Variants in ROBO2 observed in about 807,000 individuals in gnomAD.
ROBO2 encodes the protein roundabout guidance receptor 2.
Under a neutral mutation model 160.8 loss-of-function variants are expected in ROBO2, and 53 were observed. That is an observed-to-expected ratio of 0.33 (90% confidence interval 0.26 to 0.41). The LOEUF (loss-of-function observed/expected upper bound fraction) is 0.41, where lower values mean the gene tolerates loss of function less well. ROBO2 is among the 10% of genes least tolerant of loss of function. ROBO2 has a pLI of 1.00. For missense variants in ROBO2, 1,577 were observed against 1,722.4 expected, an observed-to-expected ratio of 0.92 and a Z score of 1.49; for synonymous variants, 664 against 611.7, an observed-to-expected ratio of 1.09 and a Z score of -1.26.
At chr3:76,731,628 G>T (rs1476341856) in intron 2 of ROBO2, among the ~76,000 whole-genome samples, 1 of 152,070 alleles carries the variant, frequency 6.6e-6, no homozygotes, top group African/African-American at 2.4e-5. Flanking sequence ...ACTGTATTTG[G>T]ATCCTGCTTT....
intron 2 of ROBO2, among the ~76,000 whole-genome samples, chr3:76,842,012 T>G (rs1173925862): frequency 1.3e-5 from 2 of 152,170 alleles, no homozygotes; most frequent in East Asian, 3.9e-4. Context: ...TTTGTGCAAT[T>G]AACAGCATCA....
chr3:76,173,551 C>T (rs560695174), intron 2 of ROBO2, among the ~76,000 whole-genome samples: 114 of 152,022 alleles, frequency 7.5e-4, no homozygotes, highest in African/African-American at 2.3e-3. Flanking sequence ...TGCGATATTC[C>T]GCTTCCTGTG....
At chr3:76,933,008 G>A (rs2324704) in intron 2 of ROBO2, among the ~76,000 whole-genome samples, 62,443 of 151,696 alleles carry the variant, frequency 0.41, 12,994 homozygotes, top group South Asian at 0.49. Flanking sequence ...GTTAGGATGA[G>A]GATATTCTTT....
At chr3:77,052,926 G>A (rs1319459244) in intron 1 of ROBO2, among the ~76,000 whole-genome samples, 2 of 152,168 alleles carry the variant, frequency 1.3e-5, no homozygotes, top group South Asian at 2.1e-4. Flanking sequence ...TTTCCCATAA[G>A]CACTGGGATA....
intron 5 of ROBO2, among the ~76,000 whole-genome samples, chr3:77,499,758 C>G (rs991552824): frequency 6.6e-6 from 1 of 151,206 alleles, no homozygotes; most frequent in African/African-American, 2.4e-5. Flanking sequence ...AAGTGATTCT[C>G]CTGCCCCAGC....
chr3:76,404,146 C>T (rs17791350), intron 2 of ROBO2, among the ~76,000 whole-genome samples: 7,453 of 151,688 alleles, frequency 0.049, 225 homozygotes, highest in Non-Finnish European at 0.067. Context: ...GTAGCACCTT[C>T]CATCAAGACC....
chr3:75,975,248 A>T (rs1016212690), intron 2 of ROBO2, among the ~76,000 whole-genome samples: 1 of 151,496 alleles, frequency 6.6e-6, no homozygotes, highest in Non-Finnish European at 1.5e-5. Context: ...ATACAAATTT[A>T]AACATATTTG....
At chr3:75,991,278 G>A (rs2065560443) in intron 2 of ROBO2, among the ~76,000 whole-genome samples, 1 of 152,158 alleles carries the variant, frequency 6.6e-6, no homozygotes, top group Non-Finnish European at 1.5e-5. Context: ...TGGTTTGGGT[G>A]TGTCCCCACC....
chr3:76,690,843 T>G (rs1575998802), intron 2 of ROBO2, among the ~76,000 whole-genome samples: 1 of 151,986 alleles, frequency 6.6e-6, no homozygotes, highest in South Asian at 2.1e-4. Context: ...AATGTTGAGA[T>G]TTTTCCAGGT....
chr3:77,099,643 G>T (rs1055239352), intron 2 of ROBO2, among the ~76,000 whole-genome samples: 1 of 152,042 alleles, frequency 6.6e-6, no homozygotes. Flanking sequence ...ATCCATACCT[G>T]TTCCATTTTT....
chr3:76,657,657 CAT>C (rs1387870152), intron 2 of ROBO2, among the ~76,000 whole-genome samples: 60 of 130,948 alleles, frequency 4.6e-4, no homozygotes, highest in African/African-American at 1.7e-3. Context: ...TATATATATT[CAT>C]ATATATGTGT....
intron 2 of ROBO2, among the ~76,000 whole-genome samples, chr3:77,135,276 G>A (rs1357029328): frequency 6.6e-6 from 1 of 152,162 alleles, no homozygotes; most frequent in African/African-American, 2.4e-5. Flanking sequence ...AGGCCAAAGA[G>A]CCACATGCTA....
chr3:76,570,064 G>A (rs2084864965), intron 2 of ROBO2, among the ~76,000 whole-genome samples: 1 of 152,178 alleles, frequency 6.6e-6, no homozygotes, highest in Non-Finnish European at 1.5e-5. Flanking sequence ...GAGCCCAGGA[G>A]ATCGAGGCTG....
intron 2 of ROBO2, among the ~76,000 whole-genome samples, chr3:76,723,006 T>A (rs557475304): frequency 9.6e-4 from 146 of 152,306 alleles, no homozygotes; most frequent in African/African-American, 3.1e-3. Context: ...ACTATAGATA[T>A]GTTTTGTCAG....
intron 2 of ROBO2, among the ~76,000 whole-genome samples, chr3:77,002,434 T>G (rs1347523903): frequency 1.5e-5 from 2 of 129,334 alleles, no homozygotes; most frequent in African/African-American, 6.2e-5. Flanking sequence ...TCATATTTTA[T>G]CATGATCTAT....
At chr3:76,996,409 G>T (rs2061010215) in intron 2 of ROBO2, among the ~76,000 whole-genome samples, 1 of 152,024 alleles carries the variant, frequency 6.6e-6, no homozygotes, top group South Asian at 2.1e-4. Flanking sequence ...TTGTTCTTTT[G>T]GCTTAGGACT....
rs889476992 is a variant in ROBO2, at chr3:77,112,436, G to T, written c.388+14096G>T. On this transcript the variant is annotated intron_variant, in intron 2 of 25. Coordinates refer to ENST00000461745, the Ensembl canonical transcript of ROBO2. Reference sequence around the variant, plus strand: ...TTTTTGTATTTTTAGTGGAGACGGGGTTTCACCAGGTTAGCCAGGCTGGTT... The same window carrying T: ...TTTTTGTATTTTTAGTGGAGACGGGTTTTCACCAGGTTAGCCAGGCTGGTT... 2.0e-5 allele frequency among the ~76,000 whole-genome samples: 3 copies of T among 151,920 alleles called. No homozygotes were observed. The South Asian group carries it at 6.2e-4, about 32-fold the overall frequency.
chr3:77,140,893 T>A (rs531582550), intron 2 of ROBO2, among the ~76,000 whole-genome samples: 1 of 152,342 alleles, frequency 6.6e-6, no homozygotes, highest in Admixed American at 6.5e-5. Context: ...TAATAAATCC[T>A]CCTATACAGT....
chr3:76,935,222 G>A (rs1369254484), intron 2 of ROBO2, among the ~76,000 whole-genome samples: 1 of 151,886 alleles, frequency 6.6e-6, no homozygotes, highest in African/African-American at 2.4e-5. Flanking sequence ...CTAATTGCTG[G>A]GATTAAAGAC....
Sources: gnomAD v4.1 joint callset for allele counts (sites outside exome capture counted in the v4.1 genomes callset) on GRCh38, gnomAD v4.1.1 for gene constraint, MANE v1.5 for transcripts, NCBI Gene and HGNC (gene_info 2026-07-23, HGNC 2026-07-21) for gene names.